The following DGLUCY variants were observed in gnomAD, a reference collection of about 807,000 sequenced individuals.
DGLUCY encodes the protein D-glutamate cyclase, mitochondrial.
Under a neutral mutation model 58.5 loss-of-function variants are expected in DGLUCY, and 58 were observed. The observed-to-expected ratio is 0.99, with a 90% CI of 0.80 to 1.23. The LOEUF (loss-of-function observed/expected upper bound fraction) is 1.23, where lower values mean the gene tolerates loss of function less well. Among genes scored for constraint, DGLUCY ranks in the 50% most tolerant of loss-of-function variants. DGLUCY has a pLI of 0.00. For synonymous variants in DGLUCY, 325 were observed against 314.1 expected (o/e 1.03, Z -0.37); for missense variants, 779 against 784.7 (o/e 0.99, Z 0.09).
intron 12 of DGLUCY, among the ~76,000 whole-genome samples, chr14:91,209,083 G>GC (rs1430437740): frequency 1.3e-5 from 2 of 150,918 alleles, no homozygotes; most frequent in Middle Eastern, 3.5e-3. Flanking sequence ...GGAGGCCGAG[G>GC]TGGGTGGATC....
rs71120121 is a variant in DGLUCY at position 91,150,218 on chromosome 14, CAA to C, written c.-81-7398_-81-7397del. 8.7e-3 allele frequency among the ~76,000 whole-genome samples: 565 copies of C among 64,724 alleles called. 2 individuals carry two copies. The highest frequency in any genetic ancestry group is 0.014 in the African/African-American group (218 of 15,886). 42.5% of individuals were successfully genotyped at this position (64,724 alleles called of 152,430 possible). On this transcript the variant is annotated intron_variant, in intron 1 of 13. Transcript: ENST00000256324. Reference sequence around the variant, plus strand: ...TGGGTGACAGAGTGAGACTCCATCTCAAAAAAAAAAAAAAAAAAAAAAAATCC... The same window carrying C: ...TGGGTGACAGAGTGAGACTCCATCTCAAAAAAAAAAAAAAAAAAAAAATCC...
At chr14:91,111,940 T>C (rs569438518), upstream of DGLUCY, among the ~76,000 whole-genome samples, 2 of 152,304 alleles carry the variant, frequency 1.3e-5, no homozygotes, top group African/African-American at 4.8e-5. Flanking sequence ...GGCTCTTGTC[T>C]AATAAAGCTT....
chr14:91,219,267 C>G (rs991662488), intron 13 of DGLUCY, among the ~76,000 whole-genome samples: 1 of 152,088 alleles, frequency 6.6e-6, no homozygotes, highest in African/African-American at 2.4e-5. Flanking sequence ...TGAAGGCTGC[C>G]TGGAGGAGGT....
chr14:91,200,849 C>T (rs569469911), intron 11 of DGLUCY, among the ~76,000 whole-genome samples: 1 of 152,126 alleles, frequency 6.6e-6, no homozygotes, highest in Non-Finnish European at 1.5e-5. Flanking sequence ...AAGGAGTCAG[C>T]GAAGGGTCGT....
intron 12 of DGLUCY, among the ~76,000 whole-genome samples, chr14:91,209,789 AACTGT>A (rs1885381271): frequency 6.6e-6 from 1 of 152,234 alleles, no homozygotes. Context: ...AATTCACTTT[AACTGT>A]AAAGACACTA....
At position 91,199,804 on chromosome 14, in the gene DGLUCY, G is replaced by A. The variant is rs866100595; in HGVS notation, c.1343G>A (p.Gly448Asp). The A allele has an allele frequency of 1.9e-6, 3 of 1,614,160 alleles. No homozygotes were observed. The highest frequency in any genetic ancestry group is 1.3e-5 in the African/African-American group (1 of 75,042). The change falls in exon 11 of 14, where the codon GGC becomes GAC. Residue 448 changes from glycine to aspartate, a missense_variant. By Grantham distance (94) the Gly-to-Asp change is moderately conservative. Transcript: ENST00000256324. ...AIERAGRAAD[G>D]NYYNARKMNI... ...GAGCGTGCCGGAAGAGCTGCTGATG[G>A]CAATTACTACAATGCAAGGAAGATG...
chr14:91,148,555 C>T (rs2047136918), intron 1 of DGLUCY: 1 of 152,040 alleles, frequency 6.6e-6, no homozygotes, highest in South Asian at 2.1e-4. Context: ...ACATCATTAA[C>T]TCATAAATTA....
At chr14:91,159,482 T>C (rs750157800) in intron 2 of DGLUCY, among the ~76,000 whole-genome samples, 1 of 152,108 alleles carries the variant, frequency 6.6e-6, no homozygotes, top group Non-Finnish European at 1.5e-5. Context: ...AGAAGTCAAC[T>C]TACAGGATTC....
intron 1 of DGLUCY, among the ~76,000 whole-genome samples, chr14:91,085,379 C>T (rs1229282932): frequency 6.6e-6 from 1 of 152,068 alleles, no homozygotes; most frequent in Non-Finnish European, 1.5e-5. Flanking sequence ...AAAGGCCCCT[C>T]CTGGGCTGTG....
At chr14:91,093,217 A>G (rs1595632916) in intron 1 of DGLUCY, among the ~76,000 whole-genome samples, 1 of 152,166 alleles carries the variant, frequency 6.6e-6, no homozygotes, top group East Asian at 1.9e-4. Flanking sequence ...ATAATATATT[A>G]TTGAGCACTA....
chr14:91,132,351 G>C (rs1394167419), intron 1 of DGLUCY, among the ~76,000 whole-genome samples: 4 of 152,114 alleles, frequency 2.6e-5, no homozygotes, highest in Non-Finnish European at 4.4e-5. Flanking sequence ...GATCACTTGA[G>C]CCTAGGAGTT....
intron 1 of DGLUCY, among the ~76,000 whole-genome samples, chr14:91,134,107 T>G (rs572841266): frequency 6.6e-6 from 1 of 152,328 alleles, no homozygotes; most frequent in African/African-American, 2.4e-5. Flanking sequence ...ACCTGTCTGT[T>G]GCTCTTGTTT....
At chr14:91,101,903 G>T (rs1033607386) in intron 1 of DGLUCY, among the ~76,000 whole-genome samples, 6 of 152,118 alleles carry the variant, frequency 3.9e-5, no homozygotes, top group Non-Finnish European at 8.8e-5. Context: ...ATGTTGCTCA[G>T]GCTGGTCTGA....
intron 1 of DGLUCY, among the ~76,000 whole-genome samples, chr14:91,149,422 A>G (rs922618863): frequency 1.3e-5 from 2 of 152,186 alleles, no homozygotes; most frequent in African/African-American, 4.8e-5. Context: ...AGTCTCTCCA[A>G]CCAGGGAGTG....
chr14:91,112,997 A>G (rs1317213859), upstream of DGLUCY, among the ~76,000 whole-genome samples: 4 of 1,394 alleles, frequency 2.9e-3, no homozygotes, highest in Non-Finnish European at 9.1e-3. Context: ...GACTACATCT[A>G]AAAAAAAAAA....
chr14:91,190,860 G>T (rs535934006), intron 9 of DGLUCY, among the ~76,000 whole-genome samples: 1 of 152,292 alleles, frequency 6.6e-6, no homozygotes, highest in Admixed American at 6.5e-5. Flanking sequence ...TTCTGTGTGG[G>T]TTGTAAGCAA....
At chr14:91,172,858 G>A (rs959872263) in intron 5 of DGLUCY, among the ~76,000 whole-genome samples, 1 of 152,092 alleles carries the variant, frequency 6.6e-6, no homozygotes, top group African/African-American at 2.4e-5. Flanking sequence ...TGCTGGCCAG[G>A]CTGGTCTCGA....
At chr14:91,104,927 G>A (rs12887355), upstream of DGLUCY, among the ~76,000 whole-genome samples, 84,503 of 152,108 alleles carry the variant, frequency 0.56, 24,670 homozygotes, top group East Asian at 0.9. Context: ...GCATAGAGTT[G>A]TGATAACTGA....
chr14:91,199,884 A>AT lies in DGLUCY; in HGVS notation c.1425dup (p.Pro476SerfsTer10). 2.5e-6 allele frequency: 4 copies of AT among 1,614,184 alleles called. No individual in the cohort carries two copies. The highest frequency in any genetic ancestry group is 1.6e-4 in the Middle Eastern group (1 of 6,062). On this transcript the variant is annotated frameshift_variant, in exon 11 of 14. Transcript: ENST00000256324. LOFTEE classifies it high-confidence loss of function. ...CGATCTTTTTCTTGCTGCGAAGAAG[A>AT]TTCCTGGAATCTCATCAACTGGTAA... is the stretch of plus-strand genomic sequence containing the variant.
Sources: gnomAD v4.1 joint callset for allele counts (sites outside exome capture counted in the v4.1 genomes callset) on GRCh38, gnomAD v4.1.1 for gene constraint, MANE v1.5 for transcripts, NCBI Gene and HGNC (gene_info 2026-07-23, HGNC 2026-07-21) for gene names.